Variants in ULK4 observed in about 807,000 individuals in gnomAD.
ULK4 encodes the protein inactive serine/threonine-protein kinase ULK4.
Under a neutral mutation model 160.6 loss-of-function variants are expected in ULK4, and 133 were observed. The ratio of observed to expected loss-of-function variants is 0.83; its 90% CI spans 0.72 to 0.96. ULK4 has a LOEUF of 0.96. ULK4 is among the 40% of genes least tolerant of loss of function. The pLI is 0.00. For synonymous variants in ULK4, 534 were observed against 539.8 expected, an observed-to-expected ratio of 0.99 and a Z score of 0.15; for missense variants, 1,580 against 1,499.5, an observed-to-expected ratio of 1.05 and a Z score of -0.89.
chr3:41,941,020 C>G (rs888123704), intron 2 of ULK4, among the ~76,000 whole-genome samples: 3 of 150,830 alleles, frequency 2.0e-5, no homozygotes, highest in Admixed American at 6.6e-5. Context: ...AAAGTGCTTT[C>G]AATCCTGTTC....
chr3:41,490,409 C>G (rs1401161688), intron 32 of ULK4, among the ~76,000 whole-genome samples: 1 of 152,124 alleles, frequency 6.6e-6, no homozygotes, highest in Non-Finnish European at 1.5e-5. Flanking sequence ...ATCATTCGCT[C>G]CTGCCTCTGT....
intron 35 of ULK4, among the ~76,000 whole-genome samples, chr3:41,389,049 A>C (rs868359823): frequency 0.067 from 10,101 of 150,786 alleles, 822 homozygotes; most frequent in African/African-American, 0.19. Context: ...CTTTTATTCC[A>C]TTGAGCAGTG....
intron 22 of ULK4, among the ~76,000 whole-genome samples, chr3:41,751,133 CT>C (rs1256500970): frequency 6.6e-6 from 1 of 152,132 alleles, no homozygotes; most frequent in African/African-American, 2.4e-5. Flanking sequence ...TGCCTATTGA[CT>C]TCTTAACCTA....
chr3:41,398,195 CAT>C lies in ULK4; in HGVS notation c.3560_3561del (p.Tyr1187TrpfsTer11). The stretch of plus-strand genomic sequence containing the variant: ...GAGAGGCTGTCCGGGTTTTCCCCTC[CAT>C]ACAGCTGAACCAGTATAGACAGGCA... ...SKCLSILVQL[Y>X]GGENPDSLSP... On this transcript the variant is annotated frameshift_variant, in exon 35 of 37. Coordinates refer to ENST00000301831, the MANE Select transcript of ULK4 (RefSeq NM_017886.4). LOFTEE classifies it high-confidence loss of function. 1 of 1,613,444 alleles carries C rather than the reference CAT, an allele frequency of 6.2e-7. No individual in the cohort carries two copies. Among genetic ancestry groups the C allele is most frequent in the East Asian group, 2.2e-5 (1 of 44,850 alleles).
At chr3:41,682,316 G>A (rs2035949360) in intron 27 of ULK4, among the ~76,000 whole-genome samples, 1 of 152,156 alleles carries the variant, frequency 6.6e-6, no homozygotes, top group African/African-American at 2.4e-5. Flanking sequence ...TGAGTTCCTA[G>A]TTGTATCAGA....
At chr3:41,457,982 T>G (rs1302228099) in intron 33 of ULK4, among the ~76,000 whole-genome samples, 1 of 152,156 alleles carries the variant, frequency 6.6e-6, no homozygotes, top group Non-Finnish European at 1.5e-5. Flanking sequence ...CTACATGATT[T>G]GGTGACAGAT....
At chr3:41,777,675 T>C (rs1440290165) in intron 21 of ULK4, among the ~76,000 whole-genome samples, 3 of 119,060 alleles carry the variant, frequency 2.5e-5, no homozygotes, top group African/African-American at 1.1e-4. Context: ...TTCATTTCGT[T>C]ATGTACCCAG....
chr3:41,444,658 T>A (rs1188376753), intron 34 of ULK4, among the ~76,000 whole-genome samples: 1 of 152,160 alleles, frequency 6.6e-6, no homozygotes, highest in Non-Finnish European at 1.5e-5. Context: ...GCAAAAGTAT[T>A]CTTATCCTAC....
intron 32 of ULK4, among the ~76,000 whole-genome samples, chr3:41,524,125 A>G (rs1222192581): frequency 1.3e-5 from 2 of 152,186 alleles, no homozygotes; most frequent in Non-Finnish European, 2.9e-5. Flanking sequence ...GAGGTGATTT[A>G]GGGGGATTGG....
At chr3:41,648,723 G>T (rs192593178) in intron 30 of ULK4, among the ~76,000 whole-genome samples, 225 of 152,288 alleles carry the variant, frequency 1.5e-3, no homozygotes, top group African/African-American at 5.2e-3. Context: ...AATGTTGAGG[G>T]AGGAGGGTAG....
intron 23 of ULK4, among the ~76,000 whole-genome samples, chr3:41,716,391 C>T (rs1259226170): frequency 1.3e-5 from 2 of 151,984 alleles, no homozygotes; most frequent in Non-Finnish European, 2.9e-5. Context: ...TTGTGGACAT[C>T]AGAATCTTAT....
chr3:41,559,946 C>T (rs929456101), intron 32 of ULK4, among the ~76,000 whole-genome samples: 1 of 152,162 alleles, frequency 6.6e-6, no homozygotes, highest in Non-Finnish European at 1.5e-5. Context: ...CTTGCCCATG[C>T]CTATGTCCTA....
chr3:41,935,017 A>ATTTTTTTT (rs10635589), intron 4 of ULK4, among the ~76,000 whole-genome samples: 2 of 112,874 alleles, frequency 1.8e-5, no homozygotes, highest in African/African-American at 3.5e-5. Context: ...TTATTTATTA[A>ATTTTTTTT]TTTTTTTTTT....
At chr3:41,865,459 C>G (rs2042595172) in intron 17 of ULK4, among the ~76,000 whole-genome samples, 1 of 151,940 alleles carries the variant, frequency 6.6e-6, no homozygotes, top group Non-Finnish European at 1.5e-5. Context: ...TTATGTAACT[C>G]AAAAGTAAAA....
chr3:41,337,037 T>C (rs903352897), intron 35 of ULK4, among the ~76,000 whole-genome samples: 3 of 152,140 alleles, frequency 2.0e-5, no homozygotes. Flanking sequence ...CAAAAATACC[T>C]CTACTTGGGC....
At chr3:41,741,623 T>G (rs2038241603) in intron 22 of ULK4, among the ~76,000 whole-genome samples, 1 of 151,984 alleles carries the variant, frequency 6.6e-6, no homozygotes, top group Non-Finnish European at 1.5e-5. Context: ...AAGCAATGTG[T>G]ATTGTTAATA....
At chr3:41,540,500 G>A (rs988474391) in intron 32 of ULK4, among the ~76,000 whole-genome samples, 9 of 152,126 alleles carry the variant, frequency 5.9e-5, no homozygotes, top group East Asian at 3.8e-4. Flanking sequence ...ATAAACATAC[G>A]TGTGCATGTG....
At chr3:41,461,090 G>A (rs1042428812) in intron 33 of ULK4, among the ~76,000 whole-genome samples, 2 of 152,122 alleles carry the variant, frequency 1.3e-5, no homozygotes, top group Admixed American at 6.5e-5. Context: ...TCATGGGGAA[G>A]GTAGTGGGTA....
At chr3:41,588,709 A>G (rs2031020460) in intron 31 of ULK4, among the ~76,000 whole-genome samples, 1 of 152,218 alleles carries the variant, frequency 6.6e-6, no homozygotes, top group Non-Finnish European at 1.5e-5. Flanking sequence ...AAATAATAAT[A>G]ATTTATGTTG....
Sources: allele counts gnomAD v4.1 joint callset (sites outside exome capture counted in the v4.1 genomes callset), GRCh38; gene constraint gnomAD v4.1.1; transcripts MANE v1.5; gene names NCBI Gene and HGNC (gene_info 2026-07-23, HGNC 2026-07-21).